The following COLEC12 variants were observed in gnomAD, a reference collection of about 807,000 sequenced individuals.
COLEC12 encodes the protein collectin-12.
In COLEC12, 33 loss-of-function variants were observed where a neutral mutation model predicts 71.1. That is an observed-to-expected ratio of 0.46 (90% CI 0.35 to 0.62). COLEC12 has a LOEUF of 0.62. COLEC12 is among the 20% of genes least tolerant of loss of function. The probability of loss-of-function intolerance (pLI) is 0.00; values close to 1 mark genes in which losing one functional copy is unlikely to be tolerated. For missense variants in COLEC12, 765 were observed against 916.1 expected (o/e 0.84, Z 2.13); for synonymous variants, 350 against 353.0 (o/e 0.99, Z 0.10).
chr18:383,510 T>G (rs1023813576), intron 2 of COLEC12, among the ~76,000 whole-genome samples: 5 of 152,184 alleles, frequency 3.3e-5, no homozygotes, highest in Non-Finnish European at 7.3e-5. Flanking sequence ...ACCCTAGCTG[T>G]GGAACTTAAG....
chr18:346,168 T>G lies in COLEC12; in HGVS notation c.1327+127A>C, dbSNP rs878902164. The G allele has an allele frequency of 2.0e-5, 14 of 711,420 alleles. No homozygotes were observed. The highest frequency in any genetic ancestry group is 3.2e-5 in the Non-Finnish European group (14 of 435,026). The allele number at this position is 711,420 out of a possible 1,614,324, so 44.1% of individuals were successfully genotyped here. On this transcript the variant is annotated intron_variant, in intron 5 of 9. Coordinates refer to ENST00000400256, the MANE Select transcript of COLEC12 (RefSeq NM_130386.3). This position sits in a 1 kb window ranked among gnomAD's most constrained non-coding sequence, Gnocchi z 4.0. The stretch of plus-strand genomic sequence containing the variant: ...CAGGACCATCTAGCTAAGCTGCTCT[T>G]GAATTCCTGGTCCACAAAAACTATG...
intron 3 of COLEC12, among the ~76,000 whole-genome samples, chr18:356,637 G>A (rs1436884075): frequency 6.6e-6 from 1 of 152,212 alleles, no homozygotes; most frequent in African/African-American, 2.4e-5. Context: ...AAATGGCCGT[G>A]TTTGCCTCAC....
At chr18:427,837 T>C (rs1449770965) in intron 2 of COLEC12, among the ~76,000 whole-genome samples, 3 of 152,178 alleles carry the variant, frequency 2.0e-5, no homozygotes, top group Non-Finnish European at 4.4e-5. Flanking sequence ...ATATTCTCTT[T>C]TCTGGCTGTG....
chr18:475,952 C>T (rs758742302), intron 2 of COLEC12, among the ~76,000 whole-genome samples: 8 of 152,158 alleles, frequency 5.3e-5, no homozygotes, highest in Non-Finnish European at 7.3e-5. Context: ...TGCTCGGCAC[C>T]GTGTGGGCCA....
chr18:444,740 A>G (rs1468870304), intron 2 of COLEC12, among the ~76,000 whole-genome samples: 1 of 152,228 alleles, frequency 6.6e-6, no homozygotes, highest in Non-Finnish European at 1.5e-5. Flanking sequence ...TTTAAAAAAG[A>G]TGTATCTGCA....
intron 2 of COLEC12, among the ~76,000 whole-genome samples, chr18:390,585 A>C (rs767646030): frequency 2.0e-5 from 3 of 152,062 alleles, no homozygotes; most frequent in Non-Finnish European, 4.4e-5. Context: ...ACAGGGTAAA[A>C]TCCATCTCTA....
chr18:481,430 C>T lies in COLEC12; in HGVS notation c.8-673G>A, dbSNP rs193048566. Among the ~76,000 whole-genome samples the T allele has an allele frequency of 6.6e-5, 10 of 152,312 alleles. No homozygotes were observed. The South Asian group carries it at 1.7e-3, about 25-fold the overall frequency. On this transcript the variant is annotated intron_variant, in intron 1 of 9. Coordinates refer to ENST00000400256, the MANE Select transcript of COLEC12 (RefSeq NM_130386.3). ...GGAAAGAAGAGAGATGTCGGCCGGG[C>T]GCAGTGGCTCATGGCTGTAATCCCA...
At chr18:396,884 AC>A (rs1915583350) in intron 2 of COLEC12, among the ~76,000 whole-genome samples, 1 of 152,016 alleles carries the variant, frequency 6.6e-6, no homozygotes, top group Admixed American at 6.6e-5. Context: ...CCCACTCTCC[AC>A]CTTTGCCTGT....
At chr18:371,435 G>A (rs1391296446) in intron 2 of COLEC12, among the ~76,000 whole-genome samples, 1 of 152,110 alleles carries the variant, frequency 6.6e-6, no homozygotes, top group Non-Finnish European at 1.5e-5. Flanking sequence ...GCCGCAACTG[G>A]GCACAAATCA....
In COLEC12 at chr18:500,347, C is replaced by G. The variant is rs1917797314; in HGVS notation, c.7+161G>C. 6.6e-6 allele frequency among the ~76,000 whole-genome samples: 1 copy of G among 151,836 alleles called. No homozygotes were observed. The highest frequency in any genetic ancestry group is 1.5e-5 in the Non-Finnish European group (1 of 67,914). ...CCGCGCCTGACCCGGGAGCCGGGTG[C>G]GCCCCCAGTGTCCGCGCACGAACCC... is the stretch of plus-strand genomic sequence containing the variant. On this transcript the variant is annotated intron_variant, in intron 1 of 9. Coordinates refer to ENST00000400256, the MANE Select transcript of COLEC12 (RefSeq NM_130386.3). The surrounding 1 kb of genome is among the most constrained non-coding windows in gnomAD (Gnocchi z 5.3).
chr18:414,753 A>T (rs1915956346), intron 2 of COLEC12, among the ~76,000 whole-genome samples: 1 of 152,214 alleles, frequency 6.6e-6, no homozygotes, highest in Admixed American at 6.5e-5. Flanking sequence ...GACTTGCCCA[A>T]GGATAAAGCT....
intron 8 of COLEC12, among the ~76,000 whole-genome samples, chr18:325,627 C>CTTTTTTTTTTTTTTT (rs760407917): frequency 1.9e-4 from 10 of 51,834 alleles, no homozygotes; most frequent in African/African-American, 5.1e-4. Flanking sequence ...AAGGATCAGC[C>CTTTTTTTTTTTTTTT]TTTTTTTTTT....
At position 500,434 on chromosome 18, in the gene COLEC12, A is replaced by ACCGCGGGGGCC; in HGVS notation, c.7+73_7+74insGGCCCCCGCGG. On this transcript the variant is annotated intron_variant, in intron 1 of 9. Coordinates refer to ENST00000400256, the MANE Select transcript of COLEC12 (RefSeq NM_130386.3). This position sits in a 1 kb window ranked among gnomAD's most constrained non-coding sequence, Gnocchi z 5.3. The stretch of plus-strand genomic sequence containing the variant: ...CCAAGGGAAGGTTCGCGCGGGAGGC[A>ACCGCGGGGGCC]CCTCCGTGGCCTCCCGCGCGCCCCG... The ACCGCGGGGGCC allele has an allele frequency of 1.4e-6, 1 of 734,174 alleles. No individual in the cohort carries two copies. Among genetic ancestry groups the ACCGCGGGGGCC allele is most frequent in the Non-Finnish European group, 1.7e-6 (1 of 597,144 alleles). The allele number at this position is 734,174 out of a possible 1,614,324, so 45.5% of individuals were successfully genotyped here.
chr18:350,046 T>C (rs1567880644), intron 3 of COLEC12, among the ~76,000 whole-genome samples: 1 of 152,166 alleles, frequency 6.6e-6, no homozygotes, highest in Non-Finnish European at 1.5e-5. Context: ...TGGGAAGGCA[T>C]GATTTGTTTT....
chr18:355,909 C>T (rs1310579190), intron 3 of COLEC12, among the ~76,000 whole-genome samples: 1 of 152,228 alleles, frequency 6.6e-6, no homozygotes, highest in African/African-American at 2.4e-5. Context: ...TTTGCTGCTT[C>T]ATCTAAAAAC....
intron 2 of COLEC12, among the ~76,000 whole-genome samples, chr18:418,559 A>G (rs982698321): frequency 6.6e-5 from 10 of 152,216 alleles, no homozygotes; most frequent in African/African-American, 2.4e-4. Flanking sequence ...ATAAGATAGG[A>G]GGTCAGCACA....
At chr18:455,427 G>A (rs1221027447) in intron 2 of COLEC12, among the ~76,000 whole-genome samples, 3 of 151,892 alleles carry the variant, frequency 2.0e-5, no homozygotes, top group African/African-American at 7.3e-5. Flanking sequence ...ACAGGTGCCC[G>A]CCACCATGCC....
intron 2 of COLEC12, among the ~76,000 whole-genome samples, chr18:479,571 C>T (rs1917373119): frequency 6.6e-6 from 1 of 151,622 alleles, no homozygotes; most frequent in African/African-American, 2.4e-5. Context: ...CAGAAACGCA[C>T]ACACACACTC....
In COLEC12 at chr18:335,116, G is replaced by A. The variant is rs565737372; in HGVS notation, c.1442C>T (p.Ala481Val). The A allele has an allele frequency of 2.2e-5, 35 of 1,612,438 alleles. No homozygotes were observed. The highest frequency in any genetic ancestry group is 1.0e-4 in the Admixed American group (6 of 59,862). ...TGGTCCAATTGGGCCTCTCTCACCCGCAGGGCCAGGTGGTCCAGGCTCCCC... is the reference window on the plus strand; with the variant it reads ...TGGTCCAATTGGGCCTCTCTCACCCACAGGGCCAGGTGGTCCAGGCTCCCC... ...EKGEPGPPGP[A>V]GERGPIGPAG... The change falls in exon 6 of 10, where the codon GCG (alanine) becomes GTG (valine). Residue 481 changes from alanine (A) to valine (V), a missense_variant. Ala to Val is a moderately conservative substitution (Grantham distance 64). Transcript: ENST00000400256.
Sources: gnomAD v4.1 joint callset for allele counts (sites outside exome capture counted in the v4.1 genomes callset) on GRCh38, gnomAD v4.1.1 for gene constraint, Gnocchi (gnomAD v3.1) non-coding constraint, MANE v1.5 for transcripts, NCBI Gene and HGNC (gene_info 2026-07-23, HGNC 2026-07-21) for gene names.